The following NKAIN2 variants were observed in gnomAD, a reference collection of about 807,000 sequenced individuals.
The protein encoded by NKAIN2 is sodium/potassium-transporting ATPase subunit beta-1-interacting protein 2.
Under a neutral mutation model 32.6 loss-of-function variants are expected in NKAIN2, and 14 were observed. The observed-to-expected ratio is 0.43, with a 90% CI of 0.28 to 0.67. The LOEUF (loss-of-function observed/expected upper bound fraction) is 0.67, where lower values mean the gene tolerates loss of function less well. Ranked by LOEUF, NKAIN2 falls within the 30% of genes least tolerant of loss-of-function variation. NKAIN2 has a pLI of 0.17. For synonymous variants in NKAIN2, 80 were observed against 87.2 expected (o/e 0.92, Z 0.46); for missense variants, 198 against 258.3 (o/e 0.77, Z 1.60).
intron 2 of NKAIN2, among the ~76,000 whole-genome samples, chr6:124,351,982 A>G (rs989683810): frequency 6.6e-6 from 1 of 152,206 alleles, no homozygotes; most frequent in Non-Finnish European, 1.5e-5. Flanking sequence ...TAATAAAATG[A>G]CAACATATAG....
intron 1 of NKAIN2, among the ~76,000 whole-genome samples, chr6:124,202,466 C>A (rs1021810921): frequency 2.0e-5 from 3 of 150,546 alleles, no homozygotes; most frequent in Non-Finnish European, 4.4e-5. Context: ...AATATACATT[C>A]ATTCAACTGT....
intron 1 of NKAIN2, among the ~76,000 whole-genome samples, chr6:123,892,208 T>G (rs966288064): frequency 6.6e-6 from 1 of 152,210 alleles, no homozygotes; most frequent in Non-Finnish European, 1.5e-5. Context: ...GCCACAAATG[T>G]GCAGTGCCCT....
chr6:124,740,211 A>G (rs1777136921), intron 4 of NKAIN2, among the ~76,000 whole-genome samples: 2 of 151,578 alleles, frequency 1.3e-5, no homozygotes, highest in African/African-American at 4.8e-5. Flanking sequence ...AAGGAATTCT[A>G]ATGGTGAGGA....
intron 3 of NKAIN2, among the ~76,000 whole-genome samples, chr6:124,597,519 A>G (rs529644483): frequency 2.0e-5 from 3 of 152,120 alleles, no homozygotes; most frequent in Non-Finnish European, 2.9e-5. Context: ...TTGGAGAGAC[A>G]TAATTGATTT....
At chr6:124,481,741 T>C (rs748751361) in intron 3 of NKAIN2, among the ~76,000 whole-genome samples, 6 of 152,192 alleles carry the variant, frequency 3.9e-5, no homozygotes, top group Non-Finnish European at 7.4e-5. Context: ...GAAATTTGTT[T>C]AGATATTCAT....
chr6:123,995,436 T>A (rs1779578623), intron 1 of NKAIN2, among the ~76,000 whole-genome samples: 1 of 152,192 alleles, frequency 6.6e-6, no homozygotes. Context: ...ATTTCTTGCT[T>A]ACCTAAGGGA....
intron 3 of NKAIN2, among the ~76,000 whole-genome samples, chr6:124,487,342 T>C (rs1037753315): frequency 1.3e-5 from 2 of 152,192 alleles, no homozygotes; most frequent in African/African-American, 2.4e-5. Flanking sequence ...TATCTGATTA[T>C]AGACACTTAG....
At chr6:123,843,472 CA>C (rs1238466241) in intron 1 of NKAIN2, among the ~76,000 whole-genome samples, 1 of 152,062 alleles carries the variant, frequency 6.6e-6, no homozygotes, top group African/African-American at 2.4e-5. Context: ...GCCCCTTTGC[CA>C]GGGGAGCTTG....
At chr6:124,816,485 G>A (rs946914028) in intron 5 of NKAIN2, among the ~76,000 whole-genome samples, 1 of 152,126 alleles carries the variant, frequency 6.6e-6, no homozygotes, top group African/African-American at 2.4e-5. Context: ...TACCATTCTA[G>A]TGTAGGCTAT....
chr6:124,234,926 CT>C (rs1375197941), intron 1 of NKAIN2, among the ~76,000 whole-genome samples: 1 of 152,076 alleles, frequency 6.6e-6, no homozygotes, highest in Non-Finnish European at 1.5e-5. Flanking sequence ...AGTAGTTCCC[CT>C]AGTAGTGCCA....
intron 2 of NKAIN2, among the ~76,000 whole-genome samples, chr6:124,335,702 G>C (rs1383460141): frequency 6.6e-6 from 1 of 151,954 alleles, no homozygotes; most frequent in Non-Finnish European, 1.5e-5. Flanking sequence ...GTCTTTAAAA[G>C]TTCCTGATTT....
rs554722711 is a variant in NKAIN2 at position 123,899,286 on chromosome 6, G to A, written c.54+95032G>A. Among the ~76,000 whole-genome samples, 7 of 152,164 alleles carry A rather than the reference G, an allele frequency of 4.6e-5. No homozygotes were observed. In the South Asian group the frequency reaches 8.3e-4, roughly 18 times the overall value. Reference sequence around the variant, plus strand: ...TTAAATTAACTCATCCTGTTGTCTTGTGAGCACAGATTTCCTTCCTTCCTT... The same window carrying A: ...TTAAATTAACTCATCCTGTTGTCTTATGAGCACAGATTTCCTTCCTTCCTT... On this transcript the variant is annotated intron_variant, in intron 1 of 6. Coordinates refer to ENST00000368417, the MANE Select transcript of NKAIN2 (RefSeq NM_001040214.3).
chr6:124,672,531 A>G lies in NKAIN2; in HGVS notation c.474+14145A>G, dbSNP rs561539875. On this transcript the variant is annotated intron_variant, in intron 4 of 6. Transcript: ENST00000368417. ...AAGTAAGAGAAATATCTTTCATTCC[A>G]AAGAACAAAAGAGGACCATTAGTCA... 2.0e-5 allele frequency among the ~76,000 whole-genome samples: 3 copies of G among 152,218 alleles called. No individual in the cohort carries two copies. In the East Asian group the frequency reaches 5.8e-4, roughly 29 times the overall value.
chr6:124,297,146 G>A (rs1796089533), intron 2 of NKAIN2, among the ~76,000 whole-genome samples: 1 of 152,092 alleles, frequency 6.6e-6, no homozygotes, highest in African/African-American at 2.4e-5. Context: ...GTTGATCCTT[G>A]AACAACATAG....
intron 3 of NKAIN2, among the ~76,000 whole-genome samples, chr6:124,602,631 G>A (rs1448444948): frequency 3.3e-5 from 5 of 151,906 alleles, no homozygotes; most frequent in Admixed American, 6.6e-5. Context: ...AACTATGAAC[G>A]TGAATACTTG....
intron 3 of NKAIN2, among the ~76,000 whole-genome samples, chr6:124,485,625 G>T (rs1407750593): frequency 6.6e-6 from 1 of 152,026 alleles, no homozygotes; most frequent in Non-Finnish European, 1.5e-5. Context: ...GACTACATTA[G>T]AATAGTGATA....
intron 1 of NKAIN2, among the ~76,000 whole-genome samples, chr6:123,992,506 T>C (rs550678144): frequency 2.0e-3 from 298 of 152,212 alleles, no homozygotes; most frequent in African/African-American, 6.8e-3. Context: ...TAAAATTGAG[T>C]CCTCTTGAAG....
chr6:124,742,347 TTC>T (rs1278182896), intron 4 of NKAIN2, among the ~76,000 whole-genome samples: 2 of 151,658 alleles, frequency 1.3e-5, no homozygotes, highest in African/African-American at 2.4e-5. Context: ...TAAGGGCAAA[TTC>T]TCTCTCTCCT....
chr6:124,705,920 G>A (rs150970037), intron 4 of NKAIN2, among the ~76,000 whole-genome samples: 1 of 152,068 alleles, frequency 6.6e-6, no homozygotes, highest in African/African-American at 2.4e-5. Context: ...AGAGAATGTA[G>A]ACTTCACCAA....
Sources: allele counts gnomAD v4.1 joint callset (sites outside exome capture counted in the v4.1 genomes callset), GRCh38; gene constraint gnomAD v4.1.1; transcripts MANE v1.5; gene names NCBI Gene and HGNC (gene_info 2026-07-23, HGNC 2026-07-21).